Variants in GNG2 observed in about 807,000 individuals in gnomAD.
The protein encoded by GNG2 is G protein subunit gamma 2.
In GNG2, 5 loss-of-function variants were observed where a neutral mutation model predicts 5.5. The observed-to-expected ratio is 0.91, with a 90% CI of 0.48 to 1.92. GNG2 has a LOEUF of 1.92. GNG2 is among the 30% of genes most tolerant of loss of function. The probability of loss-of-function intolerance (pLI) is 0.01; values close to 1 mark genes in which losing one functional copy is unlikely to be tolerated. For synonymous variants in GNG2, 28 were observed against 32.0 expected (o/e 0.88, Z 0.42); for missense variants, 55 against 88.4 (o/e 0.62, Z 1.52).
chr14:51,960,611 G>A (rs1367184394), intron 3 of GNG2, among the ~76,000 whole-genome samples: 1 of 151,896 alleles, frequency 6.6e-6, no homozygotes, highest in African/African-American at 2.4e-5. Flanking sequence ...AATAACAATT[G>A]TTTAAAAATA....
chr14:51,888,964 C>T (rs951134473), intron 2 of GNG2, among the ~76,000 whole-genome samples: 2 of 152,094 alleles, frequency 1.3e-5, no homozygotes, highest in Non-Finnish European at 2.9e-5. Flanking sequence ...AAACTAGACA[C>T]AACAGGCTAC....
At chr14:51,954,574 A>G (rs1021947051) in intron 3 of GNG2, among the ~76,000 whole-genome samples, 1 of 152,216 alleles carries the variant, frequency 6.6e-6, no homozygotes, top group Non-Finnish European at 1.5e-5. Context: ...AGAAAGAGGT[A>G]CTGATTATAA....
rs569837048 is a variant in GNG2 at position 51,962,157 on chromosome 14, A to T, written c.88-4402A>T. Among the ~76,000 whole-genome samples, 3 of 152,258 alleles carry T rather than the reference A, an allele frequency of 2.0e-5. No individual in the cohort carries two copies. In the East Asian group the frequency reaches 5.8e-4, roughly 29 times the overall value. Reference sequence around the variant, plus strand: ...TTTTAAATTACAAAAGAAACTAATTATATTGACATGAGGGTCATTAGAATA... The same window carrying T: ...TTTTAAATTACAAAAGAAACTAATTTTATTGACATGAGGGTCATTAGAATA... On this transcript the variant is annotated intron_variant, in intron 3 of 3. Transcript: ENST00000556766.
chr14:51,852,874 T>A (rs931593393), intron 2 of GNG2, among the ~76,000 whole-genome samples: 2 of 152,258 alleles, frequency 1.3e-5, no homozygotes, highest in African/African-American at 4.8e-5. Flanking sequence ...CTTTCCTTCA[T>A]AAGAGCTTTC....
chr14:51,910,517 C>T (rs1452381993), intron 2 of GNG2, among the ~76,000 whole-genome samples: 2 of 152,216 alleles, frequency 1.3e-5, no homozygotes, highest in Non-Finnish European at 2.9e-5. Context: ...AGCCACTGGG[C>T]AGGAAGCGAG....
At chr14:51,867,999 T>G (rs892022595) in intron 1 of GNG2, among the ~76,000 whole-genome samples, 1 of 152,228 alleles carries the variant, frequency 6.6e-6, no homozygotes, top group Non-Finnish European at 1.5e-5. Flanking sequence ...TTGTTTATCA[T>G]TCATTTATTT....
intron 2 of GNG2, among the ~76,000 whole-genome samples, chr14:51,915,257 G>A (rs1013581442): frequency 4.6e-5 from 7 of 152,178 alleles, no homozygotes; most frequent in Non-Finnish European, 7.3e-5. Flanking sequence ...CAGTTTACTG[G>A]TTCATAGATA....
intron 2 of GNG2, among the ~76,000 whole-genome samples, chr14:51,829,533 C>T (rs75585976): frequency 0.075 from 11,397 of 152,218 alleles, 542 homozygotes; most frequent in Middle Eastern, 0.18. Flanking sequence ...TACAGACCTG[C>T]ATTTGCATAA....
At chr14:51,895,727 C>A (rs1328950347) in intron 2 of GNG2, among the ~76,000 whole-genome samples, 1 of 152,188 alleles carries the variant, frequency 6.6e-6, no homozygotes, top group Admixed American at 6.5e-5. Context: ...GTGTCCCCAC[C>A]CAAATCTCAT....
chr14:51,871,239 A>G (rs1294355862), intron 1 of GNG2, among the ~76,000 whole-genome samples: 1 of 150,980 alleles, frequency 6.6e-6, no homozygotes, highest in Non-Finnish European at 1.5e-5. Context: ...TGACATTTTT[A>G]TTTTTTCTTT....
At chr14:51,873,254 A>G (rs1300102521) in intron 1 of GNG2, among the ~76,000 whole-genome samples, 1 of 152,218 alleles carries the variant, frequency 6.6e-6, no homozygotes, top group East Asian at 1.9e-4. Flanking sequence ...AACCAGCCAG[A>G]AACCTGTGTG....
At chr14:51,851,597 G>A (rs1399861511) in intron 2 of GNG2, among the ~76,000 whole-genome samples, 1 of 152,232 alleles carries the variant, frequency 6.6e-6, no homozygotes, top group Non-Finnish European at 1.5e-5. Context: ...CTTAAGGGTA[G>A]AAAGATGTTT....
At chr14:51,966,342 A>T (rs1219670128) in intron 3 of GNG2, among the ~76,000 whole-genome samples, 1 of 151,002 alleles carries the variant, frequency 6.6e-6, no homozygotes, top group Non-Finnish European at 1.5e-5. Context: ...TAAGTGCCTC[A>T]CTCACCTTAA....
intron 2 of GNG2, among the ~76,000 whole-genome samples, chr14:51,909,121 G>A (rs1183403347): frequency 6.6e-6 from 1 of 152,088 alleles, no homozygotes; most frequent in African/African-American, 2.4e-5. Flanking sequence ...TTCAATGTCA[G>A]TATATAGAAT....
chr14:51,932,534 G>A (rs968213485), intron 2 of GNG2, among the ~76,000 whole-genome samples: 5 of 152,076 alleles, frequency 3.3e-5, no homozygotes, highest in Admixed American at 6.6e-5. Context: ...GGAGGTGGGA[G>A]GATCACTTGA....
intron 2 of GNG2, among the ~76,000 whole-genome samples, chr14:51,895,026 A>G (rs1427707892): frequency 7.4e-6 from 1 of 135,370 alleles, no homozygotes; most frequent in African/African-American, 2.6e-5. Flanking sequence ...TCCAAATAAC[A>G]AAACTATAAA....
intron 3 of GNG2, chr14:51,951,782 A>T (rs1033043814): frequency 4.6e-6 from 3 of 659,316 alleles, no homozygotes; most frequent in East Asian, 2.7e-5. Flanking sequence ...ACTCATTTAC[A>T]TATTGTCTAT....
chr14:51,947,546 A>G (rs1170800293), intron 2 of GNG2, among the ~76,000 whole-genome samples: 1 of 152,176 alleles, frequency 6.6e-6, no homozygotes, highest in South Asian at 2.1e-4. Context: ...AGCCTCCAGA[A>G]GCTAGAAAAT....
chr14:51,953,834 C>T (rs1450028455), intron 3 of GNG2, among the ~76,000 whole-genome samples: 1 of 152,182 alleles, frequency 6.6e-6, no homozygotes, highest in African/African-American at 2.4e-5. Context: ...CATGATCCTT[C>T]AGCAGGAAGG....
Sources: gnomAD v4.1 joint callset for allele counts (sites outside exome capture counted in the v4.1 genomes callset) on GRCh38, gnomAD v4.1.1 for gene constraint, MANE v1.5 for transcripts, NCBI Gene and HGNC (gene_info 2026-07-23, HGNC 2026-07-21) for gene names.